LDLRAD4: variants seen among roughly 807,000 people sequenced by gnomAD.
The protein encoded by LDLRAD4 is low-density lipoprotein receptor class A domain-containing protein 4.
In LDLRAD4, 5 loss-of-function variants were observed where a neutral mutation model predicts 17.0. The ratio of observed to expected loss-of-function variants is 0.29; its 90% confidence interval spans 0.15 to 0.62. LDLRAD4 has a LOEUF of 0.62. LDLRAD4 is among the 20% of genes least tolerant of loss of function. The pLI, the probability that LDLRAD4 is intolerant of heterozygous loss-of-function variation, is 0.84. For synonymous variants in LDLRAD4, 168 were observed against 171.8 expected (o/e 0.98, Z 0.17); for missense variants, 340 against 424.7 (o/e 0.80, Z 1.75).
intron 3 of LDLRAD4, among the ~76,000 whole-genome samples, chr18:13,482,056 T>C (rs909507918): frequency 2.0e-5 from 3 of 151,800 alleles, no homozygotes; most frequent in Non-Finnish European, 4.4e-5. Flanking sequence ...AGTGAGCGTC[T>C]CTGTGGCCGA....
intron 1 of LDLRAD4, among the ~76,000 whole-genome samples, chr18:13,374,875 A>G (rs942418878): frequency 2.6e-5 from 4 of 152,148 alleles, no homozygotes; most frequent in Admixed American, 1.3e-4. Flanking sequence ...TCTTATTCCT[A>G]AAGAGCACCC....
At chr18:13,316,619 A>G (rs946676363) in intron 1 of LDLRAD4, among the ~76,000 whole-genome samples, 2 of 152,216 alleles carry the variant, frequency 1.3e-5, no homozygotes, top group South Asian at 4.1e-4. Context: ...TGTGATGTGC[A>G]GGCAGAATTA....
rs116204027 is a variant in LDLRAD4, at chr18:13,493,620, G to A, written c.181+55236G>A. On this transcript the variant is annotated intron_variant, in intron 3 of 5. Coordinates refer to ENST00000359446, the Ensembl canonical transcript of LDLRAD4. ...TATTTTCCAATATTTGAATGGCATC[G>A]TTTCATTAAGGCATAGGACACCGTG... Among the ~76,000 whole-genome samples the A allele has an allele frequency of 5.1e-3, 775 of 152,310 alleles. 6 individuals are homozygous for A. Among genetic ancestry groups the A allele is most frequent in the African/African-American group, 0.017 (708 of 41,570 alleles).
At chr18:13,602,180 G>T (rs1276032635) in intron 3 of LDLRAD4, among the ~76,000 whole-genome samples, 1 of 152,168 alleles carries the variant, frequency 6.6e-6, no homozygotes, top group Non-Finnish European at 1.5e-5. Context: ...AGAGAGGTGG[G>T]AAAGGGCTGA....
intron 3 of LDLRAD4, among the ~76,000 whole-genome samples, chr18:13,593,964 A>C (rs774112160): frequency 1.6e-4 from 25 of 152,176 alleles, no homozygotes; most frequent in Non-Finnish European, 3.2e-4. Flanking sequence ...CCAGCTGAGC[A>C]GCATTTTTAA....
At chr18:13,371,545 G>A (rs2084512436) in intron 1 of LDLRAD4, among the ~76,000 whole-genome samples, 1 of 152,116 alleles carries the variant, frequency 6.6e-6, no homozygotes, top group Non-Finnish European at 1.5e-5. Context: ...GAAGCGGGTG[G>A]ATCACTTGAG....
intron 1 of LDLRAD4, among the ~76,000 whole-genome samples, chr18:13,222,161 T>C (rs1252099800): frequency 6.6e-6 from 1 of 152,168 alleles, no homozygotes; most frequent in Non-Finnish European, 1.5e-5. Flanking sequence ...CTGTACCCCC[T>C]TCTCAACCGT....
chr18:13,406,902 G>A (rs2087815074), intron 2 of LDLRAD4, among the ~76,000 whole-genome samples: 1 of 152,062 alleles, frequency 6.6e-6, no homozygotes, highest in African/African-American at 2.4e-5. Context: ...GGTGAAGGTG[G>A]ACTTGAGTCC....
intron 1 of LDLRAD4, among the ~76,000 whole-genome samples, chr18:13,382,392 C>T (rs1432388827): frequency 6.6e-6 from 1 of 152,174 alleles, no homozygotes; most frequent in Non-Finnish European, 1.5e-5. Flanking sequence ...GTAAGGCAGA[C>T]ATACCCTGTA....
At chr18:13,299,687 A>G (rs1196642199) in intron 1 of LDLRAD4, among the ~76,000 whole-genome samples, 2 of 152,152 alleles carry the variant, frequency 1.3e-5, no homozygotes, top group Admixed American at 1.3e-4. Flanking sequence ...ATAAAAAAAT[A>G]GAAATTTAGT....
At chr18:13,436,566 C>T (rs867514) in intron 2 of LDLRAD4, among the ~76,000 whole-genome samples, 11,587 of 152,220 alleles carry the variant, frequency 0.076, 1,220 homozygotes, top group African/African-American at 0.24. Context: ...TCGGTTAATG[C>T]GCTTTTCATG....
At chr18:13,539,318 G>A (rs2094242975) in intron 3 of LDLRAD4, among the ~76,000 whole-genome samples, 1 of 152,200 alleles carries the variant, frequency 6.6e-6, no homozygotes, top group Non-Finnish European at 1.5e-5. Flanking sequence ...CTAGCTGAAG[G>A]AAGAGGTTAT....
chr18:13,251,701 C>T lies in LDLRAD4; in HGVS notation c.-466-26404C>T, dbSNP rs562669165. 1.8e-4 allele frequency among the ~76,000 whole-genome samples: 28 copies of T among 152,200 alleles called. 1 individual carries two copies. The South Asian group carries it at 5.8e-3, about 32-fold the overall frequency. ...CTCTACAAGGAAAACTACAAAGCAT[C>T]GATGAAAAGAAATTGAAGAGGACTG... is the stretch of plus-strand genomic sequence containing the variant. On this transcript the variant is annotated intron_variant, in intron 1 of 5. Coordinates refer to the LDLRAD4 transcript ENST00000399848.
intron 3 of LDLRAD4, among the ~76,000 whole-genome samples, chr18:13,600,225 T>C (rs1001215672): frequency 1.3e-5 from 2 of 152,248 alleles, no homozygotes; most frequent in African/African-American, 4.8e-5. Flanking sequence ...AGTTAAATTT[T>C]TTAAAAAATG....
chr18:13,245,380 T>C (rs2042906183), intron 1 of LDLRAD4, among the ~76,000 whole-genome samples: 1 of 152,256 alleles, frequency 6.6e-6, no homozygotes, highest in Admixed American at 6.5e-5. Context: ...CTGAAGTTTT[T>C]GCTGAGTTTA....
rs551036941 is a variant in LDLRAD4 at position 13,642,562 on chromosome 18, G to T, written c.337-797G>T. 2.5e-4 allele frequency: 302 copies of T among 1,227,960 alleles called. 1 individual carries two copies. The African/African-American group carries it at 4.5e-3, about 18-fold the overall frequency. The allele number at this position is 1,227,960 out of a possible 1,614,324, so 76.1% of individuals were successfully genotyped here. On this transcript the variant is annotated intron_variant, in intron 4 of 5. Coordinates refer to ENST00000359446, the Ensembl canonical transcript of LDLRAD4. The stretch of plus-strand genomic sequence containing the variant: ...AATAGGTGGACTGGAGAAGACACTC[G>T]CTGGAGGATCCTGAGCCCAGGCTCG...
intron 3 of LDLRAD4, among the ~76,000 whole-genome samples, chr18:13,547,795 C>T (rs900171182): frequency 2.0e-5 from 3 of 152,220 alleles, no homozygotes; most frequent in African/African-American, 7.2e-5. Flanking sequence ...GGGAGCTCCT[C>T]CTATGTCTGG....
chr18:13,324,898 C>T (rs982275197), intron 1 of LDLRAD4, among the ~76,000 whole-genome samples: 1 of 152,170 alleles, frequency 6.6e-6, no homozygotes, highest in African/African-American at 2.4e-5. Context: ...CTTTGATTTT[C>T]GCTCACTGAA....
intron 1 of LDLRAD4, among the ~76,000 whole-genome samples, chr18:13,303,591 C>G (rs1398120610): frequency 6.6e-6 from 1 of 152,118 alleles, no homozygotes; most frequent in African/African-American, 2.4e-5. Context: ...CTTGGCCTCC[C>G]AAAGCCCTAG....
Sources: gnomAD v4.1 joint callset for allele counts (sites outside exome capture counted in the v4.1 genomes callset) on GRCh38, gnomAD v4.1.1 for gene constraint, MANE v1.5 for transcripts, NCBI Gene and HGNC (gene_info 2026-07-23, HGNC 2026-07-21) for gene names.